The following CCDC183 variants were observed in gnomAD, a reference collection of about 807,000 sequenced individuals.
CCDC183 encodes the protein coiled-coil domain-containing protein 183.
In CCDC183, 63 loss-of-function variants were observed where a neutral mutation model predicts 65.2. The ratio of observed to expected loss-of-function variants is 0.97; its 90% confidence interval spans 0.79 to 1.19. The LOEUF (loss-of-function observed/expected upper bound fraction) is 1.19. Ranked by LOEUF, CCDC183 falls within the 50% of genes most tolerant of loss-of-function variation. The pLI, the probability that CCDC183 is intolerant of heterozygous loss-of-function variation, is 0.00. For missense variants in CCDC183, 769 were observed against 689.3 expected (o/e 1.12, Z -1.30); for synonymous variants, 323 against 276.5 (o/e 1.17, Z -1.67).
intron 5 of CCDC183, among the ~76,000 whole-genome samples, 200 bp from the exon 6 acceptor site, chr9:136,802,464 A>T (rs1847750684): frequency 6.6e-6 from 1 of 152,218 alleles, no homozygotes; most frequent in African/African-American, 2.4e-5. Flanking sequence ...CTAGGTGGTG[A>T]AAGAGTCCAC....
intron 13 of CCDC183, 96 bp downstream of exon 13, chr9:136,807,162 G>A: frequency 2.7e-6 from 3 of 1,096,342 alleles, no homozygotes; most frequent in Non-Finnish European, 2.7e-6. Context: ...CATCCTGGAG[G>A]GACAGCGGGG....
chr9:136,805,066 T>A, intron 8 of CCDC183: 1 of 594,956 alleles, frequency 1.7e-6, no homozygotes, highest in Non-Finnish European at 3.0e-6. Flanking sequence ...CTGCAGAGGA[T>A]GAGCATCCTG....
chr9:136,804,602 A>G lies in CCDC183; in HGVS notation c.767A>G (p.Lys256Arg), dbSNP rs761508776. The G allele has an allele frequency of 1.2e-6, 2 of 1,613,714 alleles. No homozygotes were observed. Among genetic ancestry groups the G allele is most frequent in the Non-Finnish European group, 1.7e-6 (2 of 1,179,942 alleles). The change falls in exon 7 of 14, where the codon AAG becomes AGG. Residue 256 changes from lysine (K) to arginine (R), a missense_variant. Transcript: ENST00000338005. The surrounding 1 kb of genome is among the most constrained non-coding windows in gnomAD (Gnocchi z 4.1). ...QKKLIDKIHT[K>R]ETSEKYRRGQ... is the part of the protein sequence containing the mutation. ...AAGCTGATCGACAAGATCCACACGA[A>G]GGAGACCAGCGAGAAGTACCGCCGG...
At chr9:136,798,304 G>T (rs922779658) in intron 1 of CCDC183, among the ~76,000 whole-genome samples, 4 of 135,944 alleles carry the variant, frequency 2.9e-5, no homozygotes, top group Admixed American at 1.5e-4. Context: ...CCGGCGCCTA[G>T]CTTATTTATT....
chr9:136,799,836 G>GGC, intron 3 of CCDC183, 46 bp downstream of exon 3: 1 of 1,537,380 alleles, frequency 6.5e-7, no homozygotes, highest in Non-Finnish European at 8.9e-7. Context: ...CCCCACCCCT[G>GGC]CCAGCACCCC....
chr9:136,804,601 AAGG>A lies in CCDC183; in HGVS notation c.769_771del (p.Glu257del). ...GAAGCTGATCGACAAGATCCACACGAAGGAGACCAGCGAGAAGTACCGCCGGGT... is the reference window on the plus strand; with the variant it reads ...GAAGCTGATCGACAAGATCCACACGAAGACCAGCGAGAAGTACCGCCGGGT... On this transcript the variant is annotated inframe_deletion, in exon 7 of 14. Transcript: ENST00000338005. This position sits in a 1 kb window ranked among gnomAD's most constrained non-coding sequence, Gnocchi z 4.1. The A allele has an allele frequency of 6.2e-7, 1 of 1,613,720 alleles. No homozygotes were observed. The highest frequency in any genetic ancestry group is 8.5e-7 in the Non-Finnish European group (1 of 1,179,950).
At chr9:136,801,230 C>T (rs1279941969) in intron 5 of CCDC183, among the ~76,000 whole-genome samples, 1 of 151,714 alleles carries the variant, frequency 6.6e-6, no homozygotes, top group Non-Finnish European at 1.5e-5. Context: ...CTCTCAGCAC[C>T]GTCCTCTGCT....
At position 136,799,125 on chromosome 9, in the gene CCDC183, C is replaced by T. The variant is rs1395831117; in HGVS notation, c.94C>T (p.Gln32Ter). ...LQEQCRALQI[Q>*]GVKENMDQNK... ...AGAGCAGTGTCGGGCACTCCAGATC[C>T]AAGGGGTGAAAGAGAATATGGACCA... Residue 32 changes from glutamine to a stop codon, truncating the protein, a stop_gained, in exon 2 of 14, where the codon CAA (glutamine) becomes TAA (stop). Transcript: ENST00000338005. LOFTEE classifies it high-confidence loss of function. 6.2e-7 allele frequency: 1 copy of T among 1,613,450 alleles called. No homozygotes were observed. Among genetic ancestry groups the T allele is most frequent in the East Asian group, 2.2e-5 (1 of 44,882 alleles).
rs762660714 is a variant in CCDC183, at chr9:136,806,598, C to T, written c.1204C>T (p.Leu402=). Reference sequence around the variant, plus strand: ...CAGCAACATGACCAAGGGCCAGGAGCTGCTGCTGACCATCCAGATGGGCAT... The same window carrying T: ...CAGCAACATGACCAAGGGCCAGGAGTTGCTGCTGACCATCCAGATGGGCAT... ...AHSNMTKGQE[L]LLTIQMGIDN... Residue 402 remains leucine (L), a synonymous_variant, in exon 11 of 14, where the codon CTG becomes TTG. Transcript: ENST00000338005. The T allele has an allele frequency of 9.1e-5, 147 of 1,613,634 alleles. 1 individual carries two copies. In the South Asian group the frequency reaches 1.6e-3, roughly 18 times the overall value.
chr9:136,800,659 A>C (rs1847725343), intron 5 of CCDC183, 166 bp downstream of exon 5: 2 of 598,776 alleles, frequency 3.3e-6, no homozygotes, highest in Admixed American at 3.0e-5. Context: ...TTTAAACTTC[A>C]TTTTTGGCTA....
At chr9:136,801,561 C>A (rs1214390745) in intron 5 of CCDC183, among the ~76,000 whole-genome samples, 1 of 151,930 alleles carries the variant, frequency 6.6e-6, no homozygotes, top group African/African-American at 2.4e-5. Context: ...CAAAAAGTAG[C>A]CTGGCATGGT....
rs367971685 is a variant in CCDC183 at position 136,804,787 on chromosome 9, C to T, written c.818C>T (p.Ser273Leu). 3.4e-5 allele frequency: 55 copies of T among 1,613,736 alleles called. No individual in the cohort carries two copies. Among genetic ancestry groups the T allele is most frequent in the East Asian group, 4.5e-5 (2 of 44,886 alleles). The change falls in exon 8 of 14, where the codon TCG (serine) becomes TTG (leucine). Residue 273 changes from serine (S) to leucine (L), a missense_variant. Coordinates refer to ENST00000338005, the MANE Select transcript of CCDC183 (RefSeq NM_001039374.5). This position sits in a 1 kb window ranked among gnomAD's most constrained non-coding sequence, Gnocchi z 4.1. ...RRGQMDLDFP[S>L]NLMSTETLKL... ...GGCCAGATGGACTTGGACTTCCCCT[C>T]GAACCTGATGAGCACGGAGACCCTG...
At chr9:136,800,708 C>A (rs915495234) in intron 5 of CCDC183, 2 of 570,168 alleles carry the variant, frequency 3.5e-6, no homozygotes, top group African/African-American at 3.8e-5. Context: ...CAGAATTCTT[C>A]GGACTTTCTT....
At position 136,796,577 on chromosome 9, in the gene CCDC183, G is replaced by A. The variant is rs1847652574; in HGVS notation, c.70+110G>A. 4 of 778,724 alleles carry A rather than the reference G, an allele frequency of 5.1e-6. No homozygotes were observed. In the Admixed American group the frequency reaches 9.3e-5, roughly 18 times the overall value. 48.2% of individuals were successfully genotyped at this position (778,724 alleles called of 1,614,324 possible). ...AGATTGTTACTGTCTATGTAGAAAA[G>A]GAAGACATAAGAAACTCCATTTTGA... On this transcript the variant is annotated intron_variant, in intron 1 of 13. Coordinates refer to ENST00000338005, the MANE Select transcript of CCDC183 (RefSeq NM_001039374.5).
chr9:136,807,357 G>C, intron 13 of CCDC183: 1 of 700,862 alleles, frequency 1.4e-6, no homozygotes, highest in Non-Finnish European at 2.3e-6. Flanking sequence ...GTGAAGGCCT[G>C]GGCCGGAGCT....
At position 136,803,750 on chromosome 9, in the gene CCDC183, A is replaced by C. The variant is rs959629134; in HGVS notation, c.667-752A>C. 1.2e-4 allele frequency among the ~76,000 whole-genome samples: 18 copies of C among 152,122 alleles called. 1 individual carries two copies. The highest frequency in any genetic ancestry group is 1.2e-3 in the East Asian group (6 of 5,176). On this transcript the variant is annotated intron_variant, in intron 6 of 13. Coordinates refer to ENST00000338005, the MANE Select transcript of CCDC183 (RefSeq NM_001039374.5). ...GCCAGGGCTAGGGAGGAGGAGGTAC[A>C]ACTTGGGAAAAGGCCCTGGGCTGGG...
chr9:136,806,942 C>CA (rs1847867638), intron 12 of CCDC183, 28 bp from the exon 13 acceptor site: 2 of 1,613,474 alleles, frequency 1.2e-6, no homozygotes, highest in East Asian at 4.5e-5. Context: ...AGAGTGTCTG[C>CA]ACGGCTGAAG....
At chr9:136,806,056 C>T (rs1428873363) in intron 9 of CCDC183, 22 bp from the exon 10 acceptor site, 1 of 1,544,120 alleles carries the variant, frequency 6.5e-7, no homozygotes, top group South Asian at 1.2e-5. Context: ...ACACCTGCTT[C>T]TCTCTCCCCC....
intron 3 of CCDC183, 90 bp downstream of exon 3, chr9:136,799,880 A>G: frequency 7.0e-7 from 1 of 1,432,950 alleles, no homozygotes; most frequent in Non-Finnish European, 9.5e-7. Context: ...CGAGGGACGG[A>G]GCAGGTGCCC....
Sources: allele counts gnomAD v4.1 joint callset (sites outside exome capture counted in the v4.1 genomes callset), GRCh38; gene constraint gnomAD v4.1.1; non-coding constraint Gnocchi (gnomAD v3.1); transcripts MANE v1.5; gene names NCBI Gene and HGNC (gene_info 2026-07-23, HGNC 2026-07-21).